Variants in ZNF423 observed in about 807,000 individuals in gnomAD.
ZNF423 encodes zinc finger protein 423.
Under a neutral mutation model 95.8 loss-of-function variants are expected in ZNF423, and 12 were observed. That is an observed-to-expected ratio of 0.13 (90% confidence interval 0.08 to 0.20). The LOEUF is 0.20. Ranked by LOEUF, ZNF423 falls within the 10% of genes least tolerant of loss-of-function variation. The pLI is 1.00. For synonymous variants in ZNF423, 749 were observed against 711.9 expected (o/e 1.05, Z -0.83); for missense variants, 1,316 against 1,737.1 (o/e 0.76, Z 4.31).
intron 7 of ZNF423, among the ~76,000 whole-genome samples, chr16:49,493,004 G>A (rs956361793): frequency 6.6e-6 from 1 of 152,128 alleles, no homozygotes; most frequent in African/African-American, 2.4e-5. Flanking sequence ...ACCTCTGCCG[G>A]CCGGGCCTGA....
chr16:49,518,581 A>G (rs748874370), intron 7 of ZNF423: 1 of 422,836 alleles, frequency 2.4e-6, no homozygotes, highest in South Asian at 1.7e-5. Flanking sequence ...CAGATGTTCC[A>G]TTGCAAAAAA....
intron 2 of ZNF423, among the ~76,000 whole-genome samples, chr16:49,787,896 G>A (rs987597355): frequency 6.6e-6 from 1 of 152,198 alleles, no homozygotes; most frequent in Non-Finnish European, 1.5e-5. Flanking sequence ...TCTAGAGCGG[G>A]CAGCAAGCCT....
intron 3 of ZNF423, among the ~76,000 whole-genome samples, chr16:49,716,694 C>T (rs2032717433): frequency 6.6e-6 from 1 of 152,172 alleles, no homozygotes; most frequent in Non-Finnish European, 1.5e-5. Context: ...CCGAATCCCC[C>T]GCCTCTCCCT....
At chr16:49,832,916 T>A (rs983071725) in intron 1 of ZNF423, among the ~76,000 whole-genome samples, 1 of 152,236 alleles carries the variant, frequency 6.6e-6, no homozygotes, top group African/African-American at 2.4e-5. Context: ...TTTTTTTCTG[T>A]GACATCTCCA....
chr16:49,575,462 T>A (rs1406042464), intron 5 of ZNF423, among the ~76,000 whole-genome samples: 2 of 152,076 alleles, frequency 1.3e-5, no homozygotes, highest in African/African-American at 4.8e-5. Context: ...GCCTCTAACA[T>A]CACATCCGGC....
intron 1 of ZNF423, among the ~76,000 whole-genome samples, chr16:49,836,845 G>A (rs2035125480): frequency 6.6e-6 from 1 of 152,184 alleles, no homozygotes; most frequent in Non-Finnish European, 1.5e-5. Context: ...AGAGAGGTCT[G>A]GGACCAGGCC....
chr16:49,721,838 C>A (rs1481029248), intron 3 of ZNF423, among the ~76,000 whole-genome samples: 1 of 152,162 alleles, frequency 6.6e-6, no homozygotes, highest in African/African-American at 2.4e-5. Flanking sequence ...ACGGTCTATG[C>A]CTTTTTTCCC....
Position 49,783,360 on chromosome 16 carries a change from G to T in ZNF423, c.100+6127C>A, listed in dbSNP as rs562815243. Among the ~76,000 whole-genome samples the T allele has an allele frequency of 8.7e-5, 13 of 148,856 alleles. No individual in the cohort carries two copies. The East Asian group carries it at 2.6e-3, about 30-fold the overall frequency. On this transcript the variant is annotated intron_variant, in intron 2 of 7. Coordinates refer to ENST00000563137, the MANE Select transcript of ZNF423 (RefSeq NM_001379286.1). The stretch of plus-strand genomic sequence containing the variant: ...GGTTAGCATTACAGTTAGGGTTAGG[G>T]TTAGTAGCAGGCTGGGATGGGCGGG...
intron 1 of ZNF423, among the ~76,000 whole-genome samples, chr16:49,823,213 G>A (rs954135612): frequency 6.6e-6 from 1 of 152,216 alleles, no homozygotes; most frequent in African/African-American, 2.4e-5. Context: ...CCTGCTGGTC[G>A]GCTGGCATCA....
At chr16:49,521,896 C>A (rs1165617923) in intron 7 of ZNF423, among the ~76,000 whole-genome samples, 1 of 152,240 alleles carries the variant, frequency 6.6e-6, no homozygotes, top group Non-Finnish European at 1.5e-5. Flanking sequence ...GTTTGCATAT[C>A]CTCCAGGCAA....
intron 3 of ZNF423, among the ~76,000 whole-genome samples, chr16:49,677,297 A>AGAAGGGAAGGGAAGGGAAGGGAAGG (rs2031127388): frequency 5.1e-5 from 4 of 78,330 alleles, no homozygotes; most frequent in Admixed American, 1.4e-4. Context: ...AGAAGAGAAG[A>AGAAGGGAAGGGAAGGGAAGGGAAGG]GAAGAGAAGA....
chr16:49,691,974 G>T (rs1308068480), intron 3 of ZNF423, among the ~76,000 whole-genome samples: 2 of 151,896 alleles, frequency 1.3e-5, no homozygotes, highest in Non-Finnish European at 2.9e-5. Flanking sequence ...TTGAGACAGG[G>T]TCTCTCGCTC....
chr16:49,552,556 T>C (rs1432481421), intron 5 of ZNF423, among the ~76,000 whole-genome samples: 1 of 152,120 alleles, frequency 6.6e-6, no homozygotes, highest in Non-Finnish European at 1.5e-5. Context: ...GCATTATTAC[T>C]GCAGAGGGAA....
chr16:49,785,725 C>T (rs940428571), intron 2 of ZNF423, among the ~76,000 whole-genome samples: 3 of 152,236 alleles, frequency 2.0e-5, no homozygotes, highest in African/African-American at 4.8e-5. Flanking sequence ...CCATCCACCA[C>T]GGCCCCCTCA....
Position 49,854,265 on chromosome 16 carries a change from G to C in ZNF423, c.40+1470C>G, listed in dbSNP as rs759401202. 294 of 985,214 alleles carry C rather than the reference G, an allele frequency of 3.0e-4. 1 individual carries two copies. The highest frequency in any genetic ancestry group is 3.5e-4 in the Non-Finnish European group (290 of 829,868). 61.0% of individuals were successfully genotyped at this position (985,214 alleles called of 1,614,324 possible). ...GAAAAGGAGGAGTAGGAACGGGCCGGGCGCTCCGTTTGGACTCAGTTGGTC... is the reference window on the plus strand; with the variant it reads ...GAAAAGGAGGAGTAGGAACGGGCCGCGCGCTCCGTTTGGACTCAGTTGGTC... On this transcript the variant is annotated intron_variant, in intron 1 of 7. Transcript: ENST00000563137.
chr16:49,697,256 G>A (rs2032009157), intron 3 of ZNF423, among the ~76,000 whole-genome samples: 1 of 152,162 alleles, frequency 6.6e-6, no homozygotes, highest in Admixed American at 6.5e-5. Context: ...GTACAGAACT[G>A]ATGTCACCTA....
chr16:49,605,135 C>T (rs1971497517), intron 5 of ZNF423, among the ~76,000 whole-genome samples: 1 of 152,038 alleles, frequency 6.6e-6, no homozygotes. Flanking sequence ...GTCCCAGCTC[C>T]CAGGTTCCCA....
chr16:49,626,000 A>G (rs1316918908), intron 5 of ZNF423, among the ~76,000 whole-genome samples, 170 bp downstream of exon 5: 1 of 152,228 alleles, frequency 6.6e-6, no homozygotes, highest in African/African-American at 2.4e-5. Flanking sequence ...GAAGGCTCAG[A>G]TGGAGAAAGG....
chr16:49,718,202 C>A (rs1027273314), intron 3 of ZNF423, among the ~76,000 whole-genome samples: 1 of 152,134 alleles, frequency 6.6e-6, no homozygotes, highest in African/African-American at 2.4e-5. Context: ...GGGAGGATCA[C>A]CTGAGTCATG....
Sources: allele counts gnomAD v4.1 joint callset (sites outside exome capture counted in the v4.1 genomes callset), GRCh38; gene constraint gnomAD v4.1.1; transcripts MANE v1.5; gene names NCBI Gene and HGNC (gene_info 2026-07-23, HGNC 2026-07-21).